The following PABPC4L variants were observed in gnomAD, a reference collection of about 807,000 sequenced individuals.
The protein encoded by PABPC4L is polyadenylate-binding protein 4-like.
For synonymous variants in PABPC4L, 169 were observed against 164.1 expected, an observed-to-expected ratio of 1.03 and a Z score of -0.23; for missense variants, 452 against 451.4, an observed-to-expected ratio of 1.00 and a Z score of -0.01.
At chr4:133,969,540 A>G in the PABPC4L span, among the ~76,000 whole-genome samples, 3 of 152,184 alleles carry the variant, frequency 2.0e-5, no homozygotes, top group Admixed American at 6.5e-5. Context: ...AACAACTGAA[A>G]GAAACAGAAA....
the PABPC4L span, among the ~76,000 whole-genome samples, chr4:134,100,993 C>T: frequency 6.9e-6 from 1 of 144,346 alleles, no homozygotes; most frequent in African/African-American, 2.9e-5. Context: ...ATACATATTT[C>T]CCATCAAAAA....
the PABPC4L span, among the ~76,000 whole-genome samples, chr4:134,184,229 T>C: frequency 6.6e-6 from 1 of 151,914 alleles, no homozygotes; most frequent in Non-Finnish European, 1.5e-5. Context: ...TTTGGGATAC[T>C]GCAGGAAAAG....
chr4:134,199,954 T>A lies in PABPC4L; in HGVS notation c.1066A>T (p.Ile356Phe). Residue 356 changes from isoleucine to phenylalanine, a missense_variant, in exon 2 of 2, where the codon ATC (isoleucine) becomes TTC (phenylalanine). Coordinates refer to ENST00000421491, the MANE Select transcript of PABPC4L (RefSeq NM_001114734.2). ...ATGCTAAGAGGTTTGGAGCCCAAGA[T>A]GCGGCCATTCATCTCAGTCATTGCT... ...TKAMTEMNGR[I>F]LGSKPLSIAL... 6.4e-7 allele frequency: 1 copy of A among 1,551,664 alleles called. No individual in the cohort carries two copies.
At chr4:134,094,087 C>A in the PABPC4L span, among the ~76,000 whole-genome samples, 1 of 151,824 alleles carries the variant, frequency 6.6e-6, no homozygotes, top group Non-Finnish European at 1.5e-5. Flanking sequence ...GAGAGAAGTT[C>A]ACTAGTAGTT....
chr4:133,972,224 T>C, the PABPC4L span, among the ~76,000 whole-genome samples: 1 of 152,198 alleles, frequency 6.6e-6, no homozygotes, highest in Non-Finnish European at 1.5e-5. Context: ...CCCAATATCA[T>C]TGGTGGCATA....
chr4:134,031,263 A>T, the PABPC4L span, among the ~76,000 whole-genome samples: 6 of 151,838 alleles, frequency 4.0e-5, no homozygotes, highest in Non-Finnish European at 8.8e-5. Flanking sequence ...CTGTCCTCTA[A>T]TTTGTTTTTC....
the PABPC4L span, among the ~76,000 whole-genome samples, chr4:134,097,687 A>G: frequency 6.6e-6 from 1 of 151,928 alleles, no homozygotes; most frequent in Non-Finnish European, 1.5e-5. Context: ...ACCTGTGGAT[A>G]CAGCAGAGGA....
chr4:134,086,678 C>T, the PABPC4L span, among the ~76,000 whole-genome samples: 3 of 151,880 alleles, frequency 2.0e-5, no homozygotes, highest in Admixed American at 6.6e-5. Context: ...CTATGTGGCA[C>T]CTCCAGGAAT....
the PABPC4L span, among the ~76,000 whole-genome samples, chr4:134,181,742 G>A: frequency 2.6e-5 from 4 of 151,786 alleles, no homozygotes; most frequent in Non-Finnish European, 4.4e-5. Context: ...CAAGCTGAGA[G>A]CCAAATCAGG....
chr4:134,147,015 T>C, the PABPC4L span, among the ~76,000 whole-genome samples: 2 of 152,106 alleles, frequency 1.3e-5, no homozygotes, highest in Non-Finnish European at 2.9e-5. Flanking sequence ...GCCAGAAACA[T>C]GTTAATCCAA....
the PABPC4L span, among the ~76,000 whole-genome samples, chr4:134,068,807 C>G: frequency 1.3e-5 from 2 of 151,712 alleles, no homozygotes; most frequent in Non-Finnish European, 2.9e-5. Context: ...CTCCTGGGTT[C>G]AAGTGATTCT....
chr4:134,190,646 T>C, the PABPC4L span, among the ~76,000 whole-genome samples: 2 of 152,030 alleles, frequency 1.3e-5, no homozygotes, highest in Admixed American at 1.3e-4. Flanking sequence ...ACTCAATTCA[T>C]ATATATATAC....
the PABPC4L span, among the ~76,000 whole-genome samples, chr4:133,999,429 T>C: frequency 6.6e-6 from 1 of 152,106 alleles, no homozygotes; most frequent in Non-Finnish European, 1.5e-5. Context: ...TATTATTGTG[T>C]TGTTTGCTTG....
the PABPC4L span, among the ~76,000 whole-genome samples, chr4:134,122,700 TAAAG>T: frequency 1.5e-4 from 23 of 151,980 alleles, no homozygotes; most frequent in African/African-American, 5.3e-4. Flanking sequence ...AAATATTATC[TAAAG>T]TCTCTCTAAT....
chr4:134,023,716 T>G, the PABPC4L span, among the ~76,000 whole-genome samples: 1 of 152,036 alleles, frequency 6.6e-6, no homozygotes, highest in African/African-American at 2.4e-5. Flanking sequence ...TATTTTGTTT[T>G]CCTTTTGAAA....
the PABPC4L span, among the ~76,000 whole-genome samples, chr4:134,057,890 C>A: frequency 6.6e-6 from 1 of 151,906 alleles, no homozygotes; most frequent in East Asian, 1.9e-4. Context: ...ATATCTACTT[C>A]GTCTTTCTGG....
the PABPC4L span, among the ~76,000 whole-genome samples, chr4:134,077,546 A>G: frequency 6.6e-6 from 1 of 152,128 alleles, no homozygotes; most frequent in African/African-American, 2.4e-5. Context: ...TAAACAAGAT[A>G]TCCTTTTGGA....
chr4:134,159,782 A>G, the PABPC4L span, among the ~76,000 whole-genome samples: 1 of 152,140 alleles, frequency 6.6e-6, no homozygotes, highest in Admixed American at 6.6e-5. Flanking sequence ...AGTGAGACCC[A>G]GAGTGTCACC....
the PABPC4L span, among the ~76,000 whole-genome samples, chr4:134,184,479 A>C: frequency 1.3e-5 from 2 of 151,996 alleles, no homozygotes; most frequent in Admixed American, 6.6e-5. Flanking sequence ...AATGTCATAT[A>C]GTTGGAATTA....
Sources: allele counts gnomAD v4.1 joint callset (sites outside exome capture counted in the v4.1 genomes callset), GRCh38; gene constraint gnomAD v4.1.1; transcripts MANE v1.5; gene names NCBI Gene and HGNC (gene_info 2026-07-23, HGNC 2026-07-21).